Variants in MOXD1 observed in about 807,000 individuals in gnomAD.
MOXD1 encodes the protein monooxygenase DBH like 1, also known as DBH-like monooxygenase protein 1.
MOXD1 carries 62 observed loss-of-function variants against 66.6 expected under a neutral mutation model. The observed-to-expected ratio is 0.93, with a 90% confidence interval of 0.76 to 1.15. The LOEUF (loss-of-function observed/expected upper bound fraction) is 1.15, where lower values mean the gene tolerates loss of function less well. Ranked by LOEUF, MOXD1 falls within the 50% of genes most tolerant of loss-of-function variation. The pLI, the probability that MOXD1 is intolerant of heterozygous loss-of-function variation, is 0.00. For missense variants in MOXD1, 847 were observed against 754.6 expected, an observed-to-expected ratio of 1.12 and a Z score of -1.44; for synonymous variants, 303 against 281.9, an observed-to-expected ratio of 1.07 and a Z score of -0.75.
At chr6:132,314,922 T>C (rs1324012109) in intron 10 of MOXD1, among the ~76,000 whole-genome samples, 1 of 152,238 alleles carries the variant, frequency 6.6e-6, no homozygotes, top group Non-Finnish European at 1.5e-5. Context: ...AGAACAATTA[T>C]ACCTAAAGAG....
intron 4 of MOXD1, among the ~76,000 whole-genome samples, chr6:132,372,171 C>T (rs1268207729): frequency 2.0e-5 from 3 of 151,898 alleles, no homozygotes; most frequent in Non-Finnish European, 2.9e-5. Flanking sequence ...TTTCTATTTT[C>T]AAAAAATTAT....
intron 4 of MOXD1, among the ~76,000 whole-genome samples, chr6:132,369,822 T>G (rs1776228707): frequency 6.6e-6 from 1 of 152,126 alleles, no homozygotes; most frequent in South Asian, 2.1e-4. Context: ...ACTTAAAATT[T>G]ATGAATTGTT....
intron 4 of MOXD1, among the ~76,000 whole-genome samples, chr6:132,330,963 G>A (rs1228943218): frequency 6.6e-6 from 1 of 152,050 alleles, no homozygotes; most frequent in African/African-American, 2.4e-5. Context: ...TCACATTCAT[G>A]GAAAAAACAT....
intron 10 of MOXD1, among the ~76,000 whole-genome samples, chr6:132,298,382 A>T (rs1262718785): frequency 6.6e-6 from 1 of 152,112 alleles, no homozygotes; most frequent in Admixed American, 6.6e-5. Context: ...TTCTACATTA[A>T]TTTGGTTTGG....
At chr6:132,390,171 G>T (rs948336257) in intron 1 of MOXD1, among the ~76,000 whole-genome samples, 2 of 151,452 alleles carry the variant, frequency 1.3e-5, no homozygotes, top group Non-Finnish European at 3.0e-5. Flanking sequence ...AGAAAAGAGA[G>T]CTCATGCGGT....
intron 4 of MOXD1, among the ~76,000 whole-genome samples, chr6:132,340,771 G>C (rs111538105): frequency 1.3e-5 from 2 of 149,808 alleles, no homozygotes; most frequent in South Asian, 2.1e-4. Flanking sequence ...TTCAGCCTCT[G>C]GAGTAGCTGG....
chr6:132,322,638 C>G, intron 8 of MOXD1, 41 bp downstream of exon 8: 1 of 1,569,326 alleles, frequency 6.4e-7, no homozygotes, highest in Non-Finnish European at 8.7e-7. Context: ...TGTCTCATGA[C>G]TTTCATAACA....
chr6:132,333,505 A>C (rs1198339210), intron 4 of MOXD1, among the ~76,000 whole-genome samples: 2 of 152,212 alleles, frequency 1.3e-5, no homozygotes, highest in Non-Finnish European at 2.9e-5. Context: ...TTATTAAAGA[A>C]AGTCATGACC....
At chr6:132,368,664 C>T (rs1376382975) in intron 4 of MOXD1, among the ~76,000 whole-genome samples, 1 of 151,906 alleles carries the variant, frequency 6.6e-6, no homozygotes, top group Non-Finnish European at 1.5e-5. Context: ...ATAATTTTTA[C>T]ATGGTTAAAA....
chr6:132,390,853 G>A (rs1449191030), intron 1 of MOXD1: 1 of 151,558 alleles, frequency 6.6e-6, no homozygotes, highest in Non-Finnish European at 1.5e-5. Context: ...TTATGGAAAT[G>A]TGTCAGTGTG....
intron 4 of MOXD1, among the ~76,000 whole-genome samples, chr6:132,369,839 T>C (rs1277510961): frequency 6.6e-6 from 1 of 152,130 alleles, no homozygotes; most frequent in Non-Finnish European, 1.5e-5. Context: ...TGTTTATTTC[T>C]GGAATCTTCC....
chr6:132,315,927 G>T, intron 9 of MOXD1, 150 bp from the exon 10 acceptor site: 1 of 755,100 alleles, frequency 1.3e-6, no homozygotes, highest in Non-Finnish European at 2.1e-6. Context: ...TTTTTAGAAA[G>T]GTAGTGACAC....
intron 4 of MOXD1, among the ~76,000 whole-genome samples, chr6:132,333,161 C>T (rs35334622): frequency 0.18 from 27,345 of 151,722 alleles, 3,363 homozygotes; most frequent in African/African-American, 0.35. Context: ...AAGGTGAAAC[C>T]CCGTCTCTAC....
At chr6:132,371,435 C>A (rs914502162) in intron 4 of MOXD1, among the ~76,000 whole-genome samples, 1 of 152,036 alleles carries the variant, frequency 6.6e-6, no homozygotes, top group Non-Finnish European at 1.5e-5. Context: ...ACTCCCTTTG[C>A]CTCTGTATGT....
At chr6:132,361,476 T>C (rs1776017779) in intron 4 of MOXD1, among the ~76,000 whole-genome samples, 2 of 152,192 alleles carry the variant, frequency 1.3e-5, no homozygotes, top group Admixed American at 6.5e-5. Context: ...TAAAATACTT[T>C]ATTACTATAA....
In MOXD1 at chr6:132,325,519, A is replaced by T. The variant is rs528537206; in HGVS notation, c.947-1422T>A. Among the ~76,000 whole-genome samples, 15 of 152,298 alleles carry T rather than the reference A, an allele frequency of 9.8e-5. No homozygotes were observed. The South Asian group carries it at 3.1e-3, about 32-fold the overall frequency. ...CTGTCTTTACCCTTCCACCATGTGA[A>T]GCCTACTGCCATGTTATGACCCGTA... On this transcript the variant is annotated intron_variant, in intron 6 of 11. Coordinates refer to ENST00000367963, the MANE Select transcript of MOXD1 (RefSeq NM_015529.4).
rs536122959 is a variant in MOXD1, at chr6:132,380,917, G to A, written c.265-6140C>T. Among the ~76,000 whole-genome samples the A allele has an allele frequency of 5.3e-4, 80 of 152,126 alleles. 1 individual carries two copies. Among genetic ancestry groups the A allele is most frequent in the Admixed American group, 3.9e-4 (6 of 15,282 alleles). On this transcript the variant is annotated intron_variant, in intron 1 of 11. Transcript: ENST00000367963. ...TGTTGTGACCTTTTAGCCCCTACACGCACATGAATCTTAGGAGACCGACAT... is the reference window on the plus strand; with the variant it reads ...TGTTGTGACCTTTTAGCCCCTACACACACATGAATCTTAGGAGACCGACAT...
rs1775250772 is a variant in MOXD1 at position 132,328,855 on chromosome 6, TG to T, written c.664-262del. On this transcript the variant is annotated intron_variant, in intron 4 of 11. Coordinates refer to ENST00000367963, the MANE Select transcript of MOXD1 (RefSeq NM_015529.4). ...GGACTTTACTAATCGGCTTTTTTTT[TG>T]GTTGTTAATTCACTGTCCTGTCCTT... is the stretch of plus-strand genomic sequence containing the variant. Among the ~76,000 whole-genome samples the T allele has an allele frequency of 2.6e-5, 4 of 152,198 alleles. No homozygotes were observed. In the South Asian group the frequency reaches 8.3e-4, roughly 31 times the overall value.
intron 4 of MOXD1, among the ~76,000 whole-genome samples, chr6:132,368,022 T>A (rs1265812033): frequency 6.6e-6 from 1 of 151,952 alleles, no homozygotes; most frequent in Non-Finnish European, 1.5e-5. Flanking sequence ...CATCAGCAAA[T>A]TTTCTATTAA....
Sources: allele counts gnomAD v4.1 joint callset (sites outside exome capture counted in the v4.1 genomes callset), GRCh38; gene constraint gnomAD v4.1.1; transcripts MANE v1.5; gene names NCBI Gene and HGNC (gene_info 2026-07-23, HGNC 2026-07-21).